Variants in BLM observed in about 807,000 individuals in gnomAD.
BLM encodes recQ-like DNA helicase BLM.
A neutral mutation model predicts 135.3 loss-of-function variants in BLM; 95 were observed. The observed-to-expected ratio is 0.70, with a 90% CI of 0.59 to 0.83. The LOEUF (loss-of-function observed/expected upper bound fraction) is 0.83. Ranked by LOEUF, BLM falls within the 40% of genes least tolerant of loss-of-function variation. BLM has a pLI of 0.00. For missense variants in BLM, 1,518 were observed against 1,663.9 expected (o/e 0.91, Z 1.53); for synonymous variants, 520 against 589.2 (o/e 0.88, Z 1.70).
intron 1 of BLM, among the ~76,000 whole-genome samples, chr15:90,725,322 T>G (rs967892363): frequency 6.6e-6 from 1 of 152,222 alleles, no homozygotes; most frequent in Non-Finnish European, 1.5e-5. Flanking sequence ...CTCCCACCAA[T>G]GTATTAGATT....
intron 8 of BLM, 100 bp downstream of exon 8, chr15:90,763,257 C>A: frequency 1.6e-6 from 2 of 1,243,816 alleles, no homozygotes; most frequent in Non-Finnish European, 2.4e-6. Context: ...GTATTTCTAT[C>A]ATTTAGGGAC....
intron 1 of BLM, among the ~76,000 whole-genome samples, chr15:90,725,865 A>G (rs1894900416): frequency 6.6e-6 from 1 of 152,014 alleles, no homozygotes; most frequent in African/African-American, 2.4e-5. Context: ...TTATGTACAT[A>G]TAAACATATT....
At position 90,763,040 on chromosome 15, in the gene BLM, A is replaced by G; in HGVS notation, c.1957A>G (p.Lys653Glu). The G allele has an allele frequency of 6.2e-7, 1 of 1,613,954 alleles. No homozygotes were observed. The highest frequency in any genetic ancestry group is 1.1e-5 in the South Asian group (1 of 91,034). Residue 653 changes from lysine to glutamate, a missense_variant, in exon 8 of 22, where the codon AAG (lysine) becomes GAG (glutamate). Coordinates refer to ENST00000355112, the MANE Select transcript of BLM (RefSeq NM_000057.4). Reference protein sequence around the residue: ...RFQSLSFPHTKEMMKIFHKKF... With the variant: ...RFQSLSFPHTEEMMKIFHKKF... Reference sequence around the variant, plus strand: ...CCAAAGTCTTAGTTTTCCTCATACAAAGGAAATGATGAAGATTTTTCATAA... The same window carrying G: ...CCAAAGTCTTAGTTTTCCTCATACAGAGGAAATGATGAAGATTTTTCATAA...
In BLM at chr15:90,804,155, T is replaced by C. The variant is rs1397481160; in HGVS notation, c.3559-12T>C. On this transcript the variant is annotated splice_polypyrimidine_tract_variant and intron_variant, in intron 18 of 21. Transcript: ENST00000355112. ...TATACCCACTCCTATGATTTGTTTC[T>C]CTCTCATAAAGGTAGACTTTATGGA... 6.2e-7 allele frequency: 1 copy of C among 1,610,486 alleles called. No individual in the cohort carries two copies.
rs559266082 is a variant in BLM, at chr15:90,759,479, C to A, written c.1088-668C>A. Among the ~76,000 whole-genome samples the A allele has an allele frequency of 2.0e-5, 3 of 151,978 alleles. No individual in the cohort carries two copies. In the South Asian group the frequency reaches 6.2e-4, roughly 32 times the overall value. ...ACAGTGGCATAGGCCTGTAGTCTCA[C>A]CTACTTGGGGAGGCTGAGGCAGGAG... On this transcript the variant is annotated intron_variant, in intron 5 of 21. Transcript: ENST00000355112.
chr15:90,789,991 T>G (rs113092601), intron 14 of BLM, among the ~76,000 whole-genome samples: 3,365 of 50,454 alleles, frequency 0.067, 5 homozygotes, highest in South Asian at 0.11. Flanking sequence ...CCTGGTGTTT[T>G]TTTTTTTTTT....
intron 2 of BLM, among the ~76,000 whole-genome samples, chr15:90,748,817 G>A (rs1042428305): frequency 2.0e-5 from 3 of 151,032 alleles, no homozygotes; most frequent in African/African-American, 7.3e-5. Context: ...GAGTGCGGCA[G>A]TATAGTCTCG....
In BLM at chr15:90,806,883, A is replaced by G. The variant is rs59091116; in HGVS notation, c.3752-2254A>G. Among the ~76,000 whole-genome samples the G allele has an allele frequency of 8.1e-3, 1,240 of 152,356 alleles. 18 individuals carry two copies. The highest frequency in any genetic ancestry group is 0.029 in the African/African-American group (1,185 of 41,570). Reference sequence around the variant, plus strand: ...CTGTTACTTTATGGACTATTAAGGAAGAAAAAATTCTGCTAATTAAACTAT... The same window carrying G: ...CTGTTACTTTATGGACTATTAAGGAGGAAAAAATTCTGCTAATTAAACTAT... On this transcript the variant is annotated intron_variant, in intron 19 of 21. Transcript: ENST00000355112.
chr15:90,735,273 T>TATATATATA (rs1895184011), intron 1 of BLM, among the ~76,000 whole-genome samples: 1 of 87,932 alleles, frequency 1.1e-5, no homozygotes, highest in Non-Finnish European at 2.4e-5. Flanking sequence ...ATATATATAT[T>TATATATATA]TAAGTTAATA....
chr15:90,720,286 A>G (rs1392575939), intron 1 of BLM, among the ~76,000 whole-genome samples: 1 of 152,202 alleles, frequency 6.6e-6, no homozygotes, highest in Non-Finnish European at 1.5e-5. Flanking sequence ...TGAATGAAAA[A>G]TACAAGTTGA....
chr15:90,790,989 T>C (rs986436738), intron 15 of BLM, 145 bp downstream of exon 15: 9 of 794,560 alleles, frequency 1.1e-5, no homozygotes, highest in African/African-American at 1.7e-5. Flanking sequence ...GCAATTTTAT[T>C]TTAGTTCATT....
intron 15 of BLM, among the ~76,000 whole-genome samples, chr15:90,793,339 T>C (rs1166456153): frequency 1.3e-5 from 2 of 152,074 alleles, no homozygotes; most frequent in African/African-American, 4.8e-5. Flanking sequence ...TTTGCCATGT[T>C]GGCCAGGCTG....
rs541013428 is a variant in BLM, at chr15:90,788,699, A to G, written c.2824-1950A>G. On this transcript the variant is annotated intron_variant, in intron 14 of 21. Transcript: ENST00000355112. ...AAAAGTTTGCATGAAAGGGCCAGGC[A>G]TGGTGGTTCACACCTGTAATCCCAG... 4.6e-5 allele frequency among the ~76,000 whole-genome samples: 7 copies of G among 152,176 alleles called. No homozygotes were observed. In the East Asian group the frequency reaches 9.7e-4, roughly 21 times the overall value.
chr15:90,786,232 C>A (rs1306503083), intron 14 of BLM, among the ~76,000 whole-genome samples: 5 of 152,126 alleles, frequency 3.3e-5, no homozygotes, highest in African/African-American at 9.7e-5. Flanking sequence ...AAGTGATAAT[C>A]CTGCCTCAAC....
At chr15:90,754,703 G>A (rs1895769637) in intron 4 of BLM, 108 bp from the exon 5 acceptor site, 3 of 1,226,838 alleles carry the variant, frequency 2.4e-6, no homozygotes, top group South Asian at 1.4e-5. Context: ...TCTCTTTTCT[G>A]TTATATATTG....
rs562316848 is a variant in BLM, at chr15:90,767,064, A to G, written c.2307+41A>G. ...ATTATTTTAAAATATATTAAAGACC[A>G]CTAGAATACATATATTTTTAAGATT... On this transcript the variant is annotated intron_variant, in intron 10 of 21. Coordinates refer to ENST00000355112, the MANE Select transcript of BLM (RefSeq NM_000057.4). 1.9e-5 allele frequency: 23 copies of G among 1,230,826 alleles called. No individual in the cohort carries two copies. The South Asian group carries it at 2.9e-4, about 16-fold the overall frequency. 76.2% of individuals were successfully genotyped at this position (1,230,826 alleles called of 1,614,324 possible).
In BLM at chr15:90,749,644, C is replaced by G. The variant is rs587778106; in HGVS notation, c.376C>G (p.Pro126Ala). Residue 126 changes from proline to alanine, a missense_variant, in exon 3 of 22, where the codon CCA becomes GCA. Pro to Ala is a conservative substitution (Grantham distance 27, BLOSUM62 -1). Transcript: ENST00000355112. ...KEVVCTTQNT[P>A]TVKKSRDTAL... ...AGTTGTATGCACTACCCAAAACACA[C>G]CAACTGTAAAGAAATCCCGGGATAC... 1.9e-6 allele frequency: 3 copies of G among 1,614,122 alleles called. No homozygotes were observed. Among genetic ancestry groups the G allele is most frequent in the Non-Finnish European group, 2.5e-6 (3 of 1,180,016 alleles).
At chr15:90,763,928 G>T (rs1896053624) in intron 8 of BLM, among the ~76,000 whole-genome samples, 1 of 152,198 alleles carries the variant, frequency 6.6e-6, no homozygotes, top group Non-Finnish European at 1.5e-5. Context: ...CCTTTAGCAA[G>T]TTAGCTAGTG....
chr15:90,766,868 T>A (rs768016903), intron 9 of BLM, 42 bp from the exon 10 acceptor site: 9 of 1,276,500 alleles, frequency 7.1e-6, no homozygotes, highest in Middle Eastern at 1.9e-4. Context: ...TTTTGTCAGG[T>A]TAATGTATAA....
Sources: allele counts gnomAD v4.1 joint callset (sites outside exome capture counted in the v4.1 genomes callset), GRCh38; gene constraint gnomAD v4.1.1; transcripts MANE v1.5; gene names NCBI Gene and HGNC (gene_info 2026-07-23, HGNC 2026-07-21).